Variants in CDHR1 observed in about 807,000 individuals in gnomAD.
The protein encoded by CDHR1 is cadherin related family member 1.
CDHR1 carries 61 observed loss-of-function variants against 72.1 expected under a neutral mutation model. That is an observed-to-expected ratio of 0.85 (90% CI 0.69 to 1.05). The LOEUF (loss-of-function observed/expected upper bound fraction) is 1.05. Among genes scored for constraint, CDHR1 ranks in the 50% least tolerant of loss-of-function variants. The probability of loss-of-function intolerance (pLI) is 0.00; values close to 1 mark genes in which losing one functional copy is unlikely to be tolerated. For missense variants in CDHR1, 1,186 were observed against 1,115.7 expected, an observed-to-expected ratio of 1.06 and a Z score of -0.90; for synonymous variants, 470 against 448.1, an observed-to-expected ratio of 1.05 and a Z score of -0.62.
chr10:84,216,569 C>T lies in CDHR1; in HGVS notation c.*1948C>T, dbSNP rs1038668508. On this transcript the variant is annotated 3_prime_UTR_variant, in exon 17 of 17. Coordinates refer to ENST00000623527, the MANE Select transcript of CDHR1 (RefSeq NM_033100.4). The stretch of plus-strand genomic sequence containing the variant: ...CCTGCTTTCATTTATGTTTGCTGAC[C>T]TGTGGAGACCAGTCTTTCTGACACA... 1 of 985,366 alleles carries T rather than the reference C, an allele frequency of 1.0e-6. No homozygotes were observed. Among genetic ancestry groups the T allele is most frequent in the Non-Finnish European group, 1.2e-6 (1 of 829,960 alleles). The allele number at this position is 985,366 out of a possible 1,614,324, so 61.0% of individuals were successfully genotyped here. A position where few individuals can be genotyped will look rare whatever the true frequency, so the allele number is the denominator to read the frequency against.
downstream of CDHR1, chr10:84,219,118 G>A (rs1842470431): frequency 3.6e-6 from 5 of 1,387,032 alleles, no homozygotes; most frequent in East Asian, 2.5e-5. Context: ...TAACTTCCCT[G>A]GTACAACAAA....
At chr10:84,205,010 T>C (rs975941526) in intron 9 of CDHR1, among the ~76,000 whole-genome samples, 2 of 152,198 alleles carry the variant, frequency 1.3e-5, no homozygotes, top group African/African-American at 4.8e-5. Context: ...TGATATGGCA[T>C]CTCCCTAGTG....
rs886044648 is a variant in CDHR1, at chr10:84,214,285, CCGCACCAT to C, written c.2246_2253del (p.Arg749ProfsTer3). The C allele has an allele frequency of 6.2e-7, 1 of 1,613,904 alleles. No individual in the cohort carries two copies. The highest frequency in any genetic ancestry group is 8.5e-7 in the Non-Finnish European group (1 of 1,180,034). On this transcript the variant is annotated frameshift_variant, in exon 17 of 17. Coordinates refer to ENST00000623527, the MANE Select transcript of CDHR1 (RefSeq NM_033100.4). LOFTEE classifies it low-confidence loss of function (END_TRUNC). ...TCCGCAAGCGGCCCAGCCCTGCGCCCCGCACCATCCGCATTGAGTGGCTCAAGTCCAAG... is the reference window on the plus strand; with the variant it reads ...TCCGCAAGCGGCCCAGCCCTGCGCCCCCGCATTGAGTGGCTCAAGTCCAAG...
Position 84,205,927 on chromosome 10 carries a change from G to A in CDHR1, c.963G>A (p.Gln321=), listed in dbSNP as rs1281795352. ...LQREVYELHV[Q]VTEMSPAGSP... is the part of the protein sequence containing the mutation. ...GAGAGGTGTATGAGCTGCATGTACA[G>A]GTACCCTCCCTCTAGCTTTGTCTTC... is the stretch of plus-strand genomic sequence containing the variant. Residue 321 remains glutamine, a splice_region_variant and synonymous_variant, in exon 10 of 17, where the codon CAG becomes CAA. Transcript: ENST00000623527. 6.2e-7 allele frequency: 1 copy of A among 1,611,742 alleles called. No individual in the cohort carries two copies. Among genetic ancestry groups the A allele is most frequent in the South Asian group, 1.1e-5 (1 of 90,986 alleles).
chr10:84,198,117 C>T (rs1481084931), intron 4 of CDHR1, among the ~76,000 whole-genome samples: 1 of 152,214 alleles, frequency 6.6e-6, no homozygotes, highest in Non-Finnish European at 1.5e-5. Flanking sequence ...TCCCCATCTG[C>T]TTCCCCCACC....
In CDHR1 at chr10:84,216,910, TCAGA is replaced by T; in HGVS notation, c.*2293_*2296del. 2 of 985,490 alleles carry T rather than the reference TCAGA, an allele frequency of 2.0e-6. No individual in the cohort carries two copies. Among genetic ancestry groups the T allele is most frequent in the Non-Finnish European group, 1.2e-6 (1 of 829,970 alleles). 61.0% of individuals were successfully genotyped at this position (985,490 alleles called of 1,614,324 possible). Reference sequence around the variant, plus strand: ...AAAGCTTGGGAAGCACTGTCGTCTCTCAGACAGGCGTCCTAAAGACCTCTAGGCT... The same window carrying T: ...AAAGCTTGGGAAGCACTGTCGTCTCTCAGGCGTCCTAAAGACCTCTAGGCT... On this transcript the variant is annotated 3_prime_UTR_variant, in exon 17 of 17. Transcript: ENST00000623527.
At chr10:84,200,878 C>A (rs1191760726) in intron 6 of CDHR1, among the ~76,000 whole-genome samples, 191 bp downstream of exon 6, 1 of 152,152 alleles carries the variant, frequency 6.6e-6, no homozygotes, top group Non-Finnish European at 1.5e-5. Flanking sequence ...CCCATCCTGG[C>A]GTCCTCTAAG....
At chr10:84,211,572 C>A in intron 13 of CDHR1, 76 bp from the exon 14 acceptor site, 1 of 1,347,528 alleles carries the variant, frequency 7.4e-7, no homozygotes, top group Non-Finnish European at 1.1e-6. Flanking sequence ...TGGTTGAAAG[C>A]AACCCTCAGG....
Position 84,217,310 on chromosome 10 carries a change from C to T in CDHR1, c.*2689C>T. The T allele has an allele frequency of 2.0e-6, 2 of 985,482 alleles. No individual in the cohort carries two copies. The highest frequency in any genetic ancestry group is 2.4e-6 in the Non-Finnish European group (2 of 829,948). 61.0% of individuals were successfully genotyped at this position (985,482 alleles called of 1,614,324 possible). A position where few individuals can be genotyped will look rare whatever the true frequency, so the allele number is the denominator to read the frequency against. ...GGCACACTGGGCAGGCTTGCCCATTCCTGGCCCTGAGAATGGAGCTGTAGC... is the reference window on the plus strand; with the variant it reads ...GGCACACTGGGCAGGCTTGCCCATTTCTGGCCCTGAGAATGGAGCTGTAGC... On this transcript the variant is annotated 3_prime_UTR_variant, in exon 17 of 17. Transcript: ENST00000623527.
At chr10:84,207,276 G>A (rs896495351) in intron 10 of CDHR1, among the ~76,000 whole-genome samples, 1 of 152,104 alleles carries the variant, frequency 6.6e-6, no homozygotes, top group African/African-American at 2.4e-5. Context: ...AGAGGGGCAG[G>A]TAAAGGAAAC....
At chr10:84,197,347 A>G (rs539345605) in intron 3 of CDHR1, among the ~76,000 whole-genome samples, 66 of 152,250 alleles carry the variant, frequency 4.3e-4, no homozygotes, top group African/African-American at 1.5e-3. Flanking sequence ...AGGTCTCACC[A>G]TATCCTGGGA....
At chr10:84,211,830 A>T (rs1842337880) in intron 14 of CDHR1, 115 bp downstream of exon 14, 1 of 934,544 alleles carries the variant, frequency 1.1e-6, no homozygotes. Context: ...AGCCTGGGTG[A>T]AGAGAAGTGG....
chr10:84,199,091 C>T lies in CDHR1; in HGVS notation c.408C>T (p.Ile136=), dbSNP rs148125234. Residue 136 remains isoleucine, a synonymous_variant, in exon 5 of 17, where the codon ATC becomes ATT. Coordinates refer to ENST00000623527, the MANE Select transcript of CDHR1 (RefSeq NM_033100.4). ...TDANDEAPRF[I]QEPYVALVPE... is the part of the protein sequence containing the mutation. ...CCAATGATGAGGCGCCCAGGTTCAT[C>T]CAGGAGCCTTATGTTGCCCTGGTTC... 2.2e-3 allele frequency: 3,438 copies of T among 1,551,460 alleles called. 8 individuals are homozygous for T. The highest frequency in any genetic ancestry group is 2.8e-3 in the Non-Finnish European group (3,171 of 1,147,000).
rs1052810938 is a variant in CDHR1 at position 84,218,283 on chromosome 10, G to A, written c.*3662G>A. ...AGAATGAGGCGGTCATGGCTTAAGC[G>A]ACCATCATTTGATCAATAAAGCAGA... is the stretch of plus-strand genomic sequence containing the variant. On this transcript the variant is annotated 3_prime_UTR_variant, in exon 17 of 17. Coordinates refer to ENST00000623527, the MANE Select transcript of CDHR1 (RefSeq NM_033100.4). 9.1e-6 allele frequency: 9 copies of A among 985,428 alleles called. No homozygotes were observed. The highest frequency in any genetic ancestry group is 4.7e-5 in the South Asian group (1 of 21,288). The allele number at this position is 985,428 out of a possible 1,614,324, so 61.0% of individuals were successfully genotyped here. A position where few individuals can be genotyped will look rare whatever the true frequency, so the allele number is the denominator to read the frequency against.
At position 84,204,606 on chromosome 10, in the gene CDHR1, G is replaced by A; in HGVS notation, c.862+1G>A. 1 of 1,609,988 alleles carries A rather than the reference G, an allele frequency of 6.2e-7. No homozygotes were observed. The highest frequency in any genetic ancestry group is 8.5e-7 in the Non-Finnish European group (1 of 1,176,248). ...CGAATTCTCTACAGCCTTGTAAATG[G>A]TGAGTCTGAGCAGCTTTGGGGGCTG... On this transcript the variant is annotated splice_donor_variant, in intron 9 of 16. Transcript: ENST00000623527. LOFTEE classifies it high-confidence loss of function.
chr10:84,219,354 A>G (rs185686591), downstream of CDHR1: 64 of 1,524,694 alleles, frequency 4.2e-5, no homozygotes, highest in African/African-American at 8.7e-4. Context: ...AAGCAACTGA[A>G]TACTTCCCTA....
Position 84,212,213 on chromosome 10 carries a change from A to C in CDHR1, c.1588A>C (p.Thr530Pro). The C allele has an allele frequency of 6.2e-7, 1 of 1,614,170 alleles. No individual in the cohort carries two copies. The highest frequency in any genetic ancestry group is 8.5e-7 in the Non-Finnish European group (1 of 1,180,030). The change falls in exon 15 of 17, where the codon ACC (threonine) becomes CCC (proline). Residue 530 changes from threonine (T) to proline (P), a missense_variant. Physicochemically the swap from Thr to Pro is conservative, Grantham distance 38. Transcript: ENST00000623527. ...CCACCCATCCACTGGGCTTATCTAC[A>C]CCCAGCCCTGGGCTAGCCTGGACGC... is the stretch of plus-strand genomic sequence containing the variant. ...LIHPSTGLIY[T>P]QPWASLDAEA...
At chr10:84,212,431 T>C (rs1225669235) in intron 15 of CDHR1, 24 bp downstream of exon 15, 1 of 1,585,592 alleles carries the variant, frequency 6.3e-7, no homozygotes, top group African/African-American at 1.3e-5. Context: ...GCAGCTGAGC[T>C]CCCCTAAAAG....
At position 84,218,600 on chromosome 10, in the gene CDHR1, C is replaced by T; in HGVS notation, c.*3979C>T. Reference sequence around the variant, plus strand: ...AGTCTTCATTTTAAAAGCAAGTAGCCCTGCTTACAAATGTCTCCTCAATCA... The same window carrying T: ...AGTCTTCATTTTAAAAGCAAGTAGCTCTGCTTACAAATGTCTCCTCAATCA... On this transcript the variant is annotated 3_prime_UTR_variant, in exon 17 of 17. Transcript: ENST00000623527. 1 of 985,504 alleles carries T rather than the reference C, an allele frequency of 1.0e-6. No individual in the cohort carries two copies. Among genetic ancestry groups the T allele is most frequent in the African/African-American group, 1.7e-5 (1 of 57,342 alleles). The allele number at this position is 985,504 out of a possible 1,614,324, so 61.0% of individuals were successfully genotyped here.
Sources: gnomAD v4.1 joint callset for allele counts (sites outside exome capture counted in the v4.1 genomes callset) on GRCh38, gnomAD v4.1.1 for gene constraint, MANE v1.5 for transcripts, NCBI Gene and HGNC (gene_info 2026-07-23, HGNC 2026-07-21) for gene names.